Variants in TMSB4Y observed in about 807,000 individuals in gnomAD.
TMSB4Y encodes thymosin beta-4, Y-chromosomal.
A neutral mutation model predicts 1.0 loss-of-function variants in TMSB4Y; 2 were observed. The ratio of observed to expected loss-of-function variants is 2.00; its 90% confidence interval spans 0.82 to 6.31. TMSB4Y has a LOEUF of 6.31. Among genes scored for constraint, TMSB4Y ranks in the 30% most tolerant of loss-of-function variants. The pLI, the probability that TMSB4Y is intolerant of heterozygous loss-of-function variation, is 0.05. For synonymous variants in TMSB4Y, 7 were observed against 3.6 expected (o/e 1.96, Z -1.08); for missense variants, 12 against 9.1 (o/e 1.31, Z -0.41).
chrY:13,705,326 A>G lies in TMSB4Y; in HGVS notation c.*67A>G. The G allele has an allele frequency of 3.3e-6, 1 of 302,358 alleles. No homozygotes were observed. The highest frequency in any genetic ancestry group is 5.0e-6 in the Non-Finnish European group (1 of 200,149). The allele number at this position is 302,358 out of a possible 400,897, so 75.4% of individuals were successfully genotyped here. A position where few individuals can be genotyped will look rare whatever the true frequency, so the allele number is the denominator to read the frequency against. Reference sequence around the variant, plus strand: ...ATTGCTTTCTTATTTTACTTCTTTTACTTGTTTAACTTGGTTAGATGCAAA... The same window carrying G: ...ATTGCTTTCTTATTTTACTTCTTTTGCTTGTTTAACTTGGTTAGATGCAAA... On this transcript the variant is annotated 3_prime_UTR_variant, in exon 2 of 2. Coordinates refer to ENST00000284856, the MANE Select transcript of TMSB4Y (RefSeq NM_004202.3).
chrY:13,704,411 A>G lies in TMSB4Y; in HGVS notation c.76A>G (p.Lys26Glu). 2.5e-6 allele frequency: 1 copy of G among 393,374 alleles called. No homozygotes were observed. The highest frequency in any genetic ancestry group is 3.6e-6 in the Non-Finnish European group (1 of 278,896). ...ACTGAAGAAGACAGAAACGCAAGAG[A>G]AGAATCCATTGTCTTCCAAAGAAAG... ...SKLKKTETQE[K>E]NPLSSKETIE... The change falls in exon 1 of 2, where the codon AAG becomes GAG. Residue 26 changes from lysine (K) to glutamate (E), a missense_variant. By Grantham distance (56) the Lys-to-Glu change is moderately conservative. Coordinates refer to ENST00000284856, the MANE Select transcript of TMSB4Y (RefSeq NM_004202.3).
Position 13,704,418 on chromosome Y carries a change from C to A in TMSB4Y, c.83C>A (p.Pro28Gln), listed in dbSNP as rs1361438432. The change falls in exon 1 of 2, where the codon CCA becomes CAA. Residue 28 changes from proline to glutamine, a missense_variant. By Grantham distance (76) the Pro-to-Gln change is moderately conservative (BLOSUM62 -1). Transcript: ENST00000284856. Reference sequence around the variant, plus strand: ...AAGACAGAAACGCAAGAGAAGAATCCATTGTCTTCCAAAGAAAGTAAGCTC... The same window carrying A: ...AAGACAGAAACGCAAGAGAAGAATCAATTGTCTTCCAAAGAAAGTAAGCTC... ...LKKTETQEKN[P>Q]LSSKETIEQE... The A allele has an allele frequency of 2.6e-6, 1 of 387,952 alleles. No individual in the cohort carries two copies.
intron 1 of TMSB4Y, 44 bp from the exon 2 acceptor site, chrY:13,705,181 A>C (rs1469996784): frequency 2.6e-6 from 1 of 381,995 alleles, no homozygotes; most frequent in Admixed American, 7.5e-5. Context: ...CCCCTTAATC[A>C]TCCCACTCCA....
In TMSB4Y at chrY:13,704,170, G is replaced by A; in HGVS notation, c.-166G>A. The A allele has an allele frequency of 7.1e-6, 1 of 140,099 alleles. No individual in the cohort carries two copies. Among genetic ancestry groups the A allele is most frequent in the Non-Finnish European group, 1.4e-5 (1 of 73,533 alleles). The allele number at this position is 140,099 out of a possible 400,897, so 34.9% of individuals were successfully genotyped here. On this transcript the variant is annotated 5_prime_UTR_variant, in exon 1 of 2. Coordinates refer to ENST00000284856, the MANE Select transcript of TMSB4Y (RefSeq NM_004202.3). ...GAAAGGTGTCGCCTCTTTTTCTGTG[G>A]AAAGAGGAAGCTCATGAGCGCGAAA...
In TMSB4Y at chrY:13,705,377, A is replaced by C; in HGVS notation, c.*118A>C. 2 of 165,754 alleles carry C rather than the reference A, an allele frequency of 1.2e-5. No individual in the cohort carries two copies. The highest frequency in any genetic ancestry group is 2.1e-5 in the Non-Finnish European group (2 of 96,711). The allele number at this position is 165,754 out of a possible 400,897, so 41.3% of individuals were successfully genotyped here. ...CACGTTGGATGAGTTTGAAAGGACT[A>C]TGCTGCCCTTTTGACATCAAAGACC... On this transcript the variant is annotated 3_prime_UTR_variant, in exon 2 of 2. Coordinates refer to ENST00000284856, the MANE Select transcript of TMSB4Y (RefSeq NM_004202.3).
chrY:13,703,934 G>A lies in TMSB4Y; in HGVS notation c.-402G>A, dbSNP rs2150433178. On this transcript the variant is annotated 5_prime_UTR_variant, in exon 1 of 2. In the 5' UTR this introduces an upstream ATG that the reference lacks. Transcript: ENST00000284856. ...GAGAGGCCGTGGCTACAAAATGGAAGTGCTTTTGCGACCTGGGCTCCATTT... is the reference window on the plus strand; with the variant it reads ...GAGAGGCCGTGGCTACAAAATGGAAATGCTTTTGCGACCTGGGCTCCATTT... 2 of 36,932 alleles carry A rather than the reference G, an allele frequency of 5.4e-5. No individual in the cohort carries two copies. The highest frequency in any genetic ancestry group is 4.8e-4 in the Admixed American group (2 of 4,127). The allele number at this position is 36,932 out of a possible 400,897, so 9.2% of individuals were successfully genotyped here. A position where few individuals can be genotyped will look rare whatever the true frequency, so the allele number is the denominator to read the frequency against.
Position 13,705,919 on chromosome Y carries a change from T to C in TMSB4Y, c.*660T>C. On this transcript the variant is annotated 3_prime_UTR_variant, in exon 2 of 2. Coordinates refer to ENST00000284856, the MANE Select transcript of TMSB4Y (RefSeq NM_004202.3). ...ACTGGCTTATACTGTAATCTACAAC[T>C]AATAAGCACTAATTTAGAGTTCAGC... 2.9e-5 allele frequency: 1 copy of C among 34,443 alleles called. No homozygotes were observed. Among genetic ancestry groups the C allele is most frequent in the South Asian group, 6.3e-4 (1 of 1,585 alleles). The allele number at this position is 34,443 out of a possible 400,897, so 8.6% of individuals were successfully genotyped here. A position where few individuals can be genotyped will look rare whatever the true frequency, so the allele number is the denominator to read the frequency against.
At chrY:13,704,959 TATA>T (rs2079760598) in intron 1 of TMSB4Y, among the ~76,000 whole-genome samples, 2 of 33,859 alleles carry the variant, frequency 5.9e-5, no homozygotes, top group South Asian at 6.6e-4. Flanking sequence ...TTTAATGCGC[TATA>T]ATAATATACA....
chrY:13,705,640 C>T lies in TMSB4Y; in HGVS notation c.*381C>T, dbSNP rs766079614. 2.6e-5 allele frequency: 1 copy of T among 38,070 alleles called. No individual in the cohort carries two copies. The highest frequency in any genetic ancestry group is 5.6e-4 in the South Asian group (1 of 1,780). 9.5% of individuals were successfully genotyped at this position (38,070 alleles called of 400,897 possible). ...ATGCACAGTTTTTATTTAAAAAAGA[C>T]ATTTTTAAACCACTGCTTGTGAGAT... On this transcript the variant is annotated 3_prime_UTR_variant, in exon 2 of 2. Coordinates refer to ENST00000284856, the MANE Select transcript of TMSB4Y (RefSeq NM_004202.3).
chrY:13,704,436 G>A lies in TMSB4Y; in HGVS notation c.100+1G>A. The A allele has an allele frequency of 2.7e-6, 1 of 370,062 alleles. No homozygotes were observed. Among genetic ancestry groups the A allele is most frequent in the Non-Finnish European group, 3.9e-6 (1 of 259,732 alleles). 92.3% of individuals were successfully genotyped at this position (370,062 alleles called of 400,897 possible). On this transcript the variant is annotated splice_donor_variant, in intron 1 of 1. Coordinates refer to ENST00000284856, the MANE Select transcript of TMSB4Y (RefSeq NM_004202.3). LOFTEE classifies it high-confidence loss of function. Reference sequence around the variant, plus strand: ...AAGAATCCATTGTCTTCCAAAGAAAGTAAGCTCCGATCCTCCCCCATCTTT... The same window carrying A: ...AAGAATCCATTGTCTTCCAAAGAAAATAAGCTCCGATCCTCCCCCATCTTT...
At position 13,705,393 on chromosome Y, in the gene TMSB4Y, A is replaced by T; in HGVS notation, c.*134A>T. 7.3e-6 allele frequency: 1 copy of T among 136,544 alleles called. No homozygotes were observed. The highest frequency in any genetic ancestry group is 1.3e-5 in the Non-Finnish European group (1 of 75,922). The allele number at this position is 136,544 out of a possible 400,897, so 34.1% of individuals were successfully genotyped here. ...GAAAGGACTATGCTGCCCTTTTGAC[A>T]TCAAAGACCTGCTGACAATGGAGGC... On this transcript the variant is annotated 3_prime_UTR_variant, in exon 2 of 2. Transcript: ENST00000284856.
chrY:13,705,271 C>T lies in TMSB4Y; in HGVS notation c.*12C>T. Reference sequence around the variant, plus strand: ...CAGGCGAATCTTAAACAGGCATGTGCCACCAATATCTACTGTACATTCTAC... The same window carrying T: ...CAGGCGAATCTTAAACAGGCATGTGTCACCAATATCTACTGTACATTCTAC... On this transcript the variant is annotated 3_prime_UTR_variant, in exon 2 of 2. Coordinates refer to ENST00000284856, the MANE Select transcript of TMSB4Y (RefSeq NM_004202.3). 2.5e-6 allele frequency: 1 copy of T among 392,650 alleles called. No homozygotes were observed. The highest frequency in any genetic ancestry group is 3.6e-6 in the Non-Finnish European group (1 of 277,920).
intron 1 of TMSB4Y, among the ~76,000 whole-genome samples, 189 bp downstream of exon 1, chrY:13,704,624 A>C (rs2150433226): frequency 3.0e-5 from 1 of 33,290 alleles, no homozygotes; most frequent in South Asian, 6.8e-4. Flanking sequence ...AGTAATCCCA[A>C]CACTTCGGAA....
At position 13,705,985 on chromosome Y, in the gene TMSB4Y, T is replaced by G; in HGVS notation, c.*726T>G. On this transcript the variant is annotated 3_prime_UTR_variant, in exon 2 of 2. Transcript: ENST00000284856. Reference sequence around the variant, plus strand: ...AGTGAGAAGGGACTTAATTACAAACTTAAGACGTAAGTGTGCAATAAAGTA... The same window carrying G: ...AGTGAGAAGGGACTTAATTACAAACGTAAGACGTAAGTGTGCAATAAAGTA... 1 of 34,506 alleles carries G rather than the reference T, an allele frequency of 2.9e-5. No individual in the cohort carries two copies. Among genetic ancestry groups the G allele is most frequent in the African/African-American group, 1.1e-4 (1 of 8,842 alleles). 8.6% of individuals were successfully genotyped at this position (34,506 alleles called of 400,897 possible).
intron 1 of TMSB4Y, among the ~76,000 whole-genome samples, chrY:13,704,851 C>T: frequency 3.1e-5 from 1 of 32,616 alleles, no homozygotes. Context: ...CAGAGGGAGA[C>T]TTCATCTCAA....
Position 13,705,286 on chromosome Y carries a change from G to A in TMSB4Y, c.*27G>A. ...CAGGCATGTGCCACCAATATCTACTGTACATTCTACAAGCATTGCTTTCTT... is the reference window on the plus strand; with the variant it reads ...CAGGCATGTGCCACCAATATCTACTATACATTCTACAAGCATTGCTTTCTT... On this transcript the variant is annotated 3_prime_UTR_variant, in exon 2 of 2. Coordinates refer to ENST00000284856, the MANE Select transcript of TMSB4Y (RefSeq NM_004202.3). The A allele has an allele frequency of 2.6e-6, 1 of 383,004 alleles. No individual in the cohort carries two copies. Among genetic ancestry groups the A allele is most frequent in the East Asian group, 9.4e-5 (1 of 10,687 alleles).
At position 13,705,745 on chromosome Y, in the gene TMSB4Y, G is replaced by T. The variant is rs751287111; in HGVS notation, c.*486G>T. ...CGTGCCCCTTGGCCTCACAGGCAAAGAATAACTTAAAAGCTGACGATTTGA... is the reference window on the plus strand; with the variant it reads ...CGTGCCCCTTGGCCTCACAGGCAAATAATAACTTAAAAGCTGACGATTTGA... On this transcript the variant is annotated 3_prime_UTR_variant, in exon 2 of 2. Coordinates refer to ENST00000284856, the MANE Select transcript of TMSB4Y (RefSeq NM_004202.3). 2 of 34,836 alleles carry T rather than the reference G, an allele frequency of 5.7e-5. No homozygotes were observed. The highest frequency in any genetic ancestry group is 1.1e-4 in the African/African-American group (1 of 8,951). The allele number at this position is 34,836 out of a possible 400,897, so 8.7% of individuals were successfully genotyped here.
In TMSB4Y at chrY:13,705,296, C is replaced by G; in HGVS notation, c.*37C>G. 2.7e-6 allele frequency: 1 copy of G among 366,302 alleles called. No individual in the cohort carries two copies. The highest frequency in any genetic ancestry group is 3.9e-6 in the Non-Finnish European group (1 of 255,719). 91.4% of individuals were successfully genotyped at this position (366,302 alleles called of 400,897 possible). A position where few individuals can be genotyped will look rare whatever the true frequency, so the allele number is the denominator to read the frequency against. ...CCACCAATATCTACTGTACATTCTACAAGCATTGCTTTCTTATTTTACTTC... is the reference window on the plus strand; with the variant it reads ...CCACCAATATCTACTGTACATTCTAGAAGCATTGCTTTCTTATTTTACTTC... On this transcript the variant is annotated 3_prime_UTR_variant, in exon 2 of 2. Transcript: ENST00000284856.
rs1039998769 is a variant in TMSB4Y, at chrY:13,704,267, C to A, written c.-69C>A. 1.2e-3 allele frequency: 290 copies of A among 245,945 alleles called. No individual in the cohort carries two copies. Among genetic ancestry groups the A allele is most frequent in the Non-Finnish European group, 1.8e-3 (265 of 149,485 alleles). The allele number at this position is 245,945 out of a possible 400,897, so 61.3% of individuals were successfully genotyped here. ...GAGGGCAGAAGCACAGTTCCCAGTA[C>A]AGAGACCCGGACAGGTGGCTGTTTC... is the stretch of plus-strand genomic sequence containing the variant. On this transcript the variant is annotated 5_prime_UTR_variant, in exon 1 of 2. It introduces an in-frame stop codon into an upstream open reading frame of the 5' UTR. Coordinates refer to ENST00000284856, the MANE Select transcript of TMSB4Y (RefSeq NM_004202.3).
Sources: gnomAD v4.1 joint callset for allele counts (sites outside exome capture counted in the v4.1 genomes callset) on GRCh38, gnomAD v4.1.1 for gene constraint, MANE v1.5 for transcripts, NCBI Gene and HGNC (gene_info 2026-07-23, HGNC 2026-07-21) for gene names.